The following TNPO3 variants were observed in gnomAD, a reference collection of about 807,000 sequenced individuals.
The protein encoded by TNPO3 is transportin 3, also known as transportin-3.
Under a neutral mutation model 122.8 loss-of-function variants are expected in TNPO3, and 65 were observed. The observed-to-expected ratio is 0.53, with a 90% CI of 0.43 to 0.65. The LOEUF is 0.65. TNPO3 is among the 30% of genes least tolerant of loss of function. The pLI, the probability that TNPO3 is intolerant of heterozygous loss-of-function variation, is 0.00. For missense variants in TNPO3, 850 were observed against 1,136.7 expected, an observed-to-expected ratio of 0.75 and a Z score of 3.63; for synonymous variants, 372 against 411.2, an observed-to-expected ratio of 0.90 and a Z score of 1.15.
At chr7:129,011,260 A>G (rs759250649) in intron 4 of TNPO3, among the ~76,000 whole-genome samples, 11 of 152,248 alleles carry the variant, frequency 7.2e-5, no homozygotes, top group Non-Finnish European at 1.2e-4. Flanking sequence ...ATTTTAAACA[A>G]GGAACAGAAT....
chr7:128,998,352 C>G (rs1346391536), intron 7 of TNPO3, among the ~76,000 whole-genome samples: 2 of 151,960 alleles, frequency 1.3e-5, no homozygotes, highest in African/African-American at 2.4e-5. Flanking sequence ...AGAGTGAGAC[C>G]CTGTCTCAAA....
At chr7:129,023,087 T>G (rs1804719091) in intron 1 of TNPO3, among the ~76,000 whole-genome samples, 1 of 152,156 alleles carries the variant, frequency 6.6e-6, no homozygotes, top group African/African-American at 2.4e-5. Flanking sequence ...AGTGTTAGTA[T>G]TGTTAGTCTG....
At chr7:128,985,267 T>C (rs866116975) in intron 12 of TNPO3, among the ~76,000 whole-genome samples, 10 of 152,362 alleles carry the variant, frequency 6.6e-5, no homozygotes, top group South Asian at 2.1e-4. Context: ...ATGATTTTCC[T>C]TTTAATTAAT....
intron 1 of TNPO3, among the ~76,000 whole-genome samples, chr7:129,028,314 A>G (rs573884489): frequency 2.0e-5 from 3 of 152,244 alleles, no homozygotes; most frequent in Admixed American, 6.5e-5. Flanking sequence ...CTGAACTAGT[A>G]TAAGAACACA....
rs1244871922 is a variant in TNPO3 at position 129,048,789 on chromosome 7, C to G, written c.120+5862G>C. On this transcript the variant is annotated intron_variant, in intron 1 of 22. Coordinates refer to ENST00000265388, the MANE Select transcript of TNPO3 (RefSeq NM_012470.4). ...GCAGATAAAGAAAAATGTGAGTTAT[C>G]CAACTGAGTATCTGCATGTATGCAC... is the stretch of plus-strand genomic sequence containing the variant. 6.6e-5 allele frequency among the ~76,000 whole-genome samples: 10 copies of G among 152,254 alleles called. No homozygotes were observed. The East Asian group carries it at 1.7e-3, about 26-fold the overall frequency.
chr7:129,050,995 G>A (rs1055043221), intron 1 of TNPO3, among the ~76,000 whole-genome samples: 4 of 152,122 alleles, frequency 2.6e-5, no homozygotes, highest in Non-Finnish European at 4.4e-5. Flanking sequence ...TAGCGAACCA[G>A]GCCAGACTGG....
At chr7:128,990,295 G>C in intron 10 of TNPO3, 195 bp from the exon 11 acceptor site, 1 of 682,296 alleles carries the variant, frequency 1.5e-6, no homozygotes, top group Non-Finnish European at 2.5e-6. Context: ...GAAAGATATT[G>C]TTTCAGGAAA....
chr7:129,055,523 T>C (rs945820003), upstream of TNPO3: 1 of 158,876 alleles, frequency 6.3e-6, no homozygotes, highest in African/African-American at 2.4e-5. Flanking sequence ...GACAGACACG[T>C]AGTCAACTGA....
At chr7:128,982,392 TA>T in intron 13 of TNPO3, 68 bp from the exon 14 acceptor site, 2 of 1,333,750 alleles carry the variant, frequency 1.5e-6, no homozygotes, top group Non-Finnish European at 1.1e-6. Flanking sequence ...CACTGCAACA[TA>T]CATCAACCTT....
At chr7:129,005,786 T>C (rs1802510305) in intron 4 of TNPO3, among the ~76,000 whole-genome samples, 1 of 149,072 alleles carries the variant, frequency 6.7e-6, no homozygotes, top group Non-Finnish European at 1.5e-5. Context: ...TCTTTTCTTT[T>C]TTTTTTTTTT....
chr7:129,026,751 A>G (rs1216842200), intron 1 of TNPO3, among the ~76,000 whole-genome samples: 1 of 152,014 alleles, frequency 6.6e-6, no homozygotes, highest in Non-Finnish European at 1.5e-5. Context: ...TTTATTAAAA[A>G]TAACTTGTAC....
intron 4 of TNPO3, among the ~76,000 whole-genome samples, chr7:129,009,983 T>C (rs1803005932): frequency 6.6e-6 from 1 of 151,918 alleles, no homozygotes; most frequent in Non-Finnish European, 1.5e-5. Context: ...TAAATGAACA[T>C]GAGTCCATCA....
At chr7:129,033,263 C>A (rs891133721) in intron 1 of TNPO3, among the ~76,000 whole-genome samples, 24 of 152,130 alleles carry the variant, frequency 1.6e-4, no homozygotes, top group Non-Finnish European at 2.5e-4. Flanking sequence ...ACAGTGATTT[C>A]TTGGATGACA....
chr7:129,041,854 T>A (rs1807415364), intron 1 of TNPO3: 1 of 523,804 alleles, frequency 1.9e-6, no homozygotes, highest in African/African-American at 2.1e-5. Context: ...AGGCAGGCTA[T>A]GGCCCAGCAA....
At chr7:128,995,757 G>A (rs1247939603) in intron 8 of TNPO3, among the ~76,000 whole-genome samples, 1 of 152,128 alleles carries the variant, frequency 6.6e-6, no homozygotes, top group Non-Finnish European at 1.5e-5. Context: ...GGAGTGCAGT[G>A]GCGCAATCTT....
intron 8 of TNPO3, among the ~76,000 whole-genome samples, chr7:128,995,458 G>T (rs1296417111): frequency 6.6e-6 from 1 of 152,196 alleles, no homozygotes; most frequent in African/African-American, 2.4e-5. Flanking sequence ...AGAAATTAAG[G>T]TGAAGGAATG....
chr7:128,985,992 C>T (rs1800101805), intron 12 of TNPO3, among the ~76,000 whole-genome samples: 1 of 152,148 alleles, frequency 6.6e-6, no homozygotes, highest in East Asian at 1.9e-4. Flanking sequence ...TCTGATTTAC[C>T]AGTGATAAGA....
chr7:128,970,717 T>C, intron 19 of TNPO3: 1 of 157,022 alleles, frequency 6.4e-6, no homozygotes. Context: ...CTATTTCCTT[T>C]TTTAAAAACT....
chr7:129,031,436 T>C (rs1805940793), intron 1 of TNPO3, among the ~76,000 whole-genome samples: 1 of 152,170 alleles, frequency 6.6e-6, no homozygotes, highest in Admixed American at 6.5e-5. Context: ...GTGAACATAT[T>C]GAATAACTTA....
Sources: allele counts gnomAD v4.1 joint callset (sites outside exome capture counted in the v4.1 genomes callset), GRCh38; gene constraint gnomAD v4.1.1; transcripts MANE v1.5; gene names NCBI Gene and HGNC (gene_info 2026-07-23, HGNC 2026-07-21).